LENG8: variants seen among roughly 807,000 people sequenced by gnomAD.
The protein encoded by LENG8 is leukocyte receptor cluster (LRC) member 8.
In LENG8, 28 loss-of-function variants were observed where a neutral mutation model predicts 102.1. That is an observed-to-expected ratio of 0.27 (90% CI 0.20 to 0.38). LENG8 has a LOEUF of 0.38. Among genes scored for constraint, LENG8 ranks in the 10% least tolerant of loss-of-function variants. The pLI, the probability that LENG8 is intolerant of heterozygous loss-of-function variation, is 1.00. For missense variants in LENG8, 1,022 were observed against 1,113.9 expected, an observed-to-expected ratio of 0.92 and a Z score of 1.17; for synonymous variants, 531 against 456.7, an observed-to-expected ratio of 1.16 and a Z score of -2.07.
Position 54,456,807 on chromosome 19 carries a change from T to C in LENG8, c.1617T>C (p.Ser539=), listed in dbSNP as rs914818669. The part of the protein sequence containing the change: ...LVLQMSSLES[S]GADPDWQELQ... ...TGCAGATGAGCAGCCTGGAGAGCAG[T>C]GGGGCTGACCCTGACTGGCAGGAGC... Residue 539 remains serine (S), a synonymous_variant, in exon 11 of 16, where the codon AGT becomes AGC. Coordinates refer to ENST00000326764, the MANE Select transcript of LENG8 (RefSeq NM_052925.4). The C allele has an allele frequency of 1.2e-6, 2 of 1,611,348 alleles. No homozygotes were observed. The highest frequency in any genetic ancestry group is 1.3e-5 in the African/African-American group (1 of 74,890).
At chr19:54,460,365 CTG>C (rs1853343010) in intron 15 of LENG8, 11 of 1,208,930 alleles carry the variant, frequency 9.1e-6, no homozygotes, top group Non-Finnish European at 1.1e-5. Context: ...TTCCCAGACA[CTG>C]TAACGCAGGG....
rs765362281 is a variant in LENG8, at chr19:54,455,431, G to A, written c.889G>A (p.Val297Met). Residue 297 changes from valine to methionine, a missense_variant, in exon 8 of 16, where the codon GTG (valine) becomes ATG (methionine). Around this residue, in one of 7 missense-constraint regions of LENG8, gnomAD observed 24 missense variants for 47.9 expected, o/e 0.50. Coordinates refer to ENST00000326764, the MANE Select transcript of LENG8 (RefSeq NM_052925.4). ...DDWPQDMKEY[V>M]ERCFTACESE... is the part of the protein sequence containing the mutation. ...CTGGCCCCAGGACATGAAAGAGTATGTGGAGCGCTGCTTCACCGCCTGTGA... is the reference window on the plus strand; with the variant it reads ...CTGGCCCCAGGACATGAAAGAGTATATGGAGCGCTGCTTCACCGCCTGTGA... The A allele has an allele frequency of 6.2e-7, 1 of 1,614,208 alleles. No individual in the cohort carries two copies. The highest frequency in any genetic ancestry group is 8.5e-7 in the Non-Finnish European group (1 of 1,180,048).
intron 15 of LENG8, chr19:54,459,217 G>A (rs1412247401): frequency 1.8e-6 from 2 of 1,094,116 alleles, no homozygotes; most frequent in Non-Finnish European, 2.2e-6. Context: ...GGATGCTCTT[G>A]GCATCTAGTG....
chr19:54,460,058 G>C, intron 15 of LENG8: 3 of 1,288,778 alleles, frequency 2.3e-6, no homozygotes, highest in Non-Finnish European at 3.0e-6. Flanking sequence ...CCCCAAGGAG[G>C]CTGACCCTGC....
rs1402136260 is a variant in LENG8, at chr19:54,461,998, TAAAGAGAG to T, written c.*1080_*1087del. 2.8e-6 allele frequency: 4 copies of T among 1,422,430 alleles called. No individual in the cohort carries two copies. In the East Asian group the frequency reaches 6.8e-5, roughly 24 times the overall value. 88.1% of individuals were successfully genotyped at this position (1,422,430 alleles called of 1,614,324 possible). On this transcript the variant is annotated 3_prime_UTR_variant, in exon 16 of 16. Transcript: ENST00000326764. Reference sequence around the variant, plus strand: ...TTGGAAGCTTGAGAGAAACCAAAATTAAAGAGAGAAAGAGAGAGCGTGCACGCTCCTGC... The same window carrying T: ...TTGGAAGCTTGAGAGAAACCAAAATTAAAGAGAGAGCGTGCACGCTCCTGC...
chr19:54,449,588 G>C (rs1467749046), intron 1 of LENG8: 1 of 152,222 alleles, frequency 6.6e-6, no homozygotes, highest in African/African-American at 2.4e-5. Context: ...CGTTGACCGG[G>C]TGTTGCCCCG....
chr19:54,455,217 C>T (rs2084164183), intron 7 of LENG8, 125 bp downstream of exon 7: 1 of 1,503,484 alleles, frequency 6.7e-7, no homozygotes, highest in Non-Finnish European at 9.2e-7. Flanking sequence ...CAGAAGGACC[C>T]TCTCTTGGGG....
At chr19:54,458,694 C>G (rs1408987279) in intron 15 of LENG8, 173 bp downstream of exon 15, 4 of 1,551,572 alleles carry the variant, frequency 2.6e-6, no homozygotes, top group East Asian at 2.4e-5. Flanking sequence ...TCCTCTTGCT[C>G]TCCTTGTTGG....
chr19:54,453,650 G>C lies in LENG8; in HGVS notation c.420G>C (p.Leu140=), dbSNP rs1027760874. 2 of 1,612,118 alleles carry C rather than the reference G, an allele frequency of 1.2e-6. No homozygotes were observed. The highest frequency in any genetic ancestry group is 1.7e-6 in the Non-Finnish European group (2 of 1,178,724). The part of the protein sequence containing the change: ...QPSAPQHQGT[L]NQPPVPGMDE... ...CCGCACCCCAACACCAAGGGACTCT[G>C]AACCAGGTAACATCCTAGCCCAGCT... Residue 140 remains leucine (L), a synonymous_variant, in exon 5 of 16, where the codon CTG becomes CTC. Coordinates refer to ENST00000326764, the MANE Select transcript of LENG8 (RefSeq NM_052925.4).
intron 7 of LENG8, 48 bp downstream of exon 7, chr19:54,455,140 G>C (rs1447163559): frequency 4.3e-6 from 7 of 1,611,316 alleles, no homozygotes; most frequent in Middle Eastern, 1.6e-4. Flanking sequence ...TCTGCACTCA[G>C]CGTCTATGGT....
In LENG8 at chr19:54,460,964, G is replaced by GC. The variant is rs2123228307; in HGVS notation, c.*41dup. 1 of 1,537,812 alleles carries GC rather than the reference G, an allele frequency of 6.5e-7. No homozygotes were observed. Among genetic ancestry groups the GC allele is most frequent in the Non-Finnish European group, 8.7e-7 (1 of 1,146,700 alleles). On this transcript the variant is annotated 3_prime_UTR_variant, in exon 16 of 16. Coordinates refer to ENST00000326764, the MANE Select transcript of LENG8 (RefSeq NM_052925.4). ...AGGAGGGGCGGGGGCAGGGGCTGCA[G>GC]CCCCCAGCGCTGCCTTTGCGGATTC... is the stretch of plus-strand genomic sequence containing the variant.
In LENG8 at chr19:54,452,645, C is replaced by T; in HGVS notation, c.214-6C>T. The T allele has an allele frequency of 6.3e-7, 1 of 1,594,742 alleles. No homozygotes were observed. Among genetic ancestry groups the T allele is most frequent in the Non-Finnish European group, 8.6e-7 (1 of 1,167,976 alleles). Reference sequence around the variant, plus strand: ...GCTGACGGCACATGTGCCTCTGCTTCCACAGTACGTGTCCCAGGCAGAAGC... The same window carrying T: ...GCTGACGGCACATGTGCCTCTGCTTTCACAGTACGTGTCCCAGGCAGAAGC... On this transcript the variant is annotated splice_region_variant and splice_polypyrimidine_tract_variant and intron_variant, in intron 3 of 15. Coordinates refer to ENST00000326764, the MANE Select transcript of LENG8 (RefSeq NM_052925.4).
At position 54,456,204 on chromosome 19, in the gene LENG8, C is replaced by T. The variant is rs747907391; in HGVS notation, c.1263C>T (p.Ser421=). 6.2e-6 allele frequency: 10 copies of T among 1,612,170 alleles called. No individual in the cohort carries two copies. Among genetic ancestry groups the T allele is most frequent in the Middle Eastern group, 1.7e-4 (1 of 6,050 alleles). ...NSSSSSTDSR[S]RSSSRSPTRH... is the part of the protein sequence containing the mutation. The stretch of plus-strand genomic sequence containing the variant: ...CTTCTTCCAGCACAGACTCCCGCTC[C>T]CGCTCCTCCTCCAGGTCCCCGACGC... Residue 421 remains serine, a synonymous_variant, in exon 9 of 16, where the codon TCC becomes TCT. Coordinates refer to ENST00000326764, the MANE Select transcript of LENG8 (RefSeq NM_052925.4).
At chr19:54,450,373 C>G (rs936404614) in intron 1 of LENG8, among the ~76,000 whole-genome samples, 2 of 152,188 alleles carry the variant, frequency 1.3e-5, no homozygotes, top group African/African-American at 4.8e-5. Context: ...CGTTGGCATT[C>G]TCAGGAACGC....
chr19:54,457,273 T>C (rs1180252343), intron 11 of LENG8, among the ~76,000 whole-genome samples: 1 of 152,212 alleles, frequency 6.6e-6, no homozygotes, highest in Non-Finnish European at 1.5e-5. Flanking sequence ...CTGCAGAACC[T>C]GTGAACAGCC....
intron 1 of LENG8, chr19:54,449,751 C>G (rs968259027): frequency 6.6e-6 from 1 of 152,340 alleles, no homozygotes; most frequent in Non-Finnish European, 1.5e-5. Flanking sequence ...CCAGGTGCTC[C>G]CGGGACCTCA....
At chr19:54,451,413 C>A (rs375701525) in intron 2 of LENG8, 31 bp downstream of exon 2, 1 of 1,611,576 alleles carries the variant, frequency 6.2e-7, no homozygotes, top group East Asian at 2.2e-5. Context: ...GGAGGCCAGT[C>A]GGGAGGGAAA....
In LENG8 at chr19:54,457,781, A is replaced by G. The variant is rs752494874; in HGVS notation, c.1766A>G (p.His589Arg). Reference protein sequence around the residue: ...LKKSLCMVKCHWKEKQDYAFA... With the variant: ...LKKSLCMVKCRWKEKQDYAFA... ...AAGTCGCTGTGCATGGTCAAGTGCC[A>G]CTGGAAAGAGAAGCAGGACTACGCG... Residue 589 changes from histidine to arginine, a missense_variant, in exon 12 of 16, where the codon CAC becomes CGC. Physicochemically the swap from His to Arg is conservative, Grantham distance 29. This residue lies in a region of LENG8 where 158 missense variants were observed against 229.0 expected (regional missense o/e 0.69). Coordinates refer to ENST00000326764, the MANE Select transcript of LENG8 (RefSeq NM_052925.4). 1 of 1,614,136 alleles carries G rather than the reference A, an allele frequency of 6.2e-7. No homozygotes were observed. The highest frequency in any genetic ancestry group is 1.1e-5 in the South Asian group (1 of 91,080).
intron 1 of LENG8, among the ~76,000 whole-genome samples, chr19:54,450,118 C>A (rs1434172425): frequency 6.6e-6 from 1 of 152,202 alleles, no homozygotes; most frequent in East Asian, 1.9e-4. Context: ...CTCTGTACCC[C>A]ACTCTTAATT....
Sources: gnomAD v4.1 joint callset for allele counts (sites outside exome capture counted in the v4.1 genomes callset) on GRCh38, gnomAD v4.1.1 for gene constraint, gnomAD v4.1.1 regional missense constraint, MANE v1.5 for transcripts, NCBI Gene and HGNC (gene_info 2026-07-23, HGNC 2026-07-21) for gene names.